The following TRAF3 variants were observed in gnomAD, a reference collection of about 807,000 sequenced individuals.
TRAF3 encodes the protein TNF receptor associated factor 3.
Under a neutral mutation model 62.3 loss-of-function variants are expected in TRAF3, and 13 were observed. That is an observed-to-expected ratio of 0.21 (90% CI 0.14 to 0.33). TRAF3 has a LOEUF of 0.33. TRAF3 is among the 10% of genes least tolerant of loss of function. The pLI is 1.00. For synonymous variants in TRAF3, 269 were observed against 283.4 expected, an observed-to-expected ratio of 0.95 and a Z score of 0.51; for missense variants, 440 against 741.8, an observed-to-expected ratio of 0.59 and a Z score of 4.73.
chr14:102,801,318 G>A (rs934488755), intron 1 of TRAF3, among the ~76,000 whole-genome samples: 9 of 152,004 alleles, frequency 5.9e-5, no homozygotes, highest in African/African-American at 2.2e-4. Context: ...CTTCCCTGGA[G>A]TGTTATATAA....
At chr14:102,898,439 T>G in intron 10 of TRAF3, among the ~76,000 whole-genome samples, 1 of 152,262 alleles carries the variant, frequency 6.6e-6, no homozygotes, top group East Asian at 1.9e-4. Context: ...CCCAGTGATG[T>G]GTCAGTCATC....
intron 1 of TRAF3, among the ~76,000 whole-genome samples, chr14:102,781,495 G>A (rs1897270770): frequency 6.6e-6 from 1 of 152,146 alleles, no homozygotes; most frequent in Non-Finnish European, 1.5e-5. Context: ...GGGAAGGGGT[G>A]TAAATGTTAA....
intron 1 of TRAF3, among the ~76,000 whole-genome samples, chr14:102,803,036 AACTC>A (rs1898539047): frequency 2.0e-5 from 3 of 152,122 alleles, no homozygotes; most frequent in African/African-American, 7.2e-5. Flanking sequence ...ATCTCGTGAG[AACTC>A]ACTGTCACAA....
intron 2 of TRAF3, among the ~76,000 whole-genome samples, chr14:102,867,686 C>T (rs1003308097): frequency 2.0e-5 from 3 of 152,180 alleles, no homozygotes; most frequent in African/African-American, 7.2e-5. Context: ...CTGGTCAACC[C>T]TTTTACCTGG....
At chr14:102,904,336 G>A (rs1890466584) in intron 11 of TRAF3, among the ~76,000 whole-genome samples, 1 of 152,192 alleles carries the variant, frequency 6.6e-6, no homozygotes, top group South Asian at 2.1e-4. Context: ...ACACAGTTTT[G>A]CTGGTGTTAC....
chr14:102,879,412 C>T (rs1250097865), intron 6 of TRAF3, among the ~76,000 whole-genome samples: 2 of 152,032 alleles, frequency 1.3e-5, no homozygotes, highest in Non-Finnish European at 2.9e-5. Flanking sequence ...TGCATGCTAC[C>T]ATGCCTGGCT....
chr14:102,872,369 C>T (rs1276177836), intron 4 of TRAF3, among the ~76,000 whole-genome samples: 1 of 152,244 alleles, frequency 6.6e-6, no homozygotes, highest in African/African-American at 2.4e-5. Flanking sequence ...AACTCTTACA[C>T]TAGGTTTTAC....
intron 1 of TRAF3, among the ~76,000 whole-genome samples, chr14:102,802,898 C>A (rs1207266460): frequency 2.0e-5 from 3 of 152,158 alleles, no homozygotes; most frequent in African/African-American, 7.2e-5. Flanking sequence ...ACTCACAGTT[C>A]AGCATGGCTG....
Position 102,864,812 on chromosome 14 carries a change from T to C in TRAF3, c.-17-5373T>C, listed in dbSNP as rs532946091. 1.8e-3 allele frequency among the ~76,000 whole-genome samples: 280 copies of C among 152,266 alleles called. 3 individuals carry two copies. The highest frequency in any genetic ancestry group is 6.1e-3 in the African/African-American group (253 of 41,552). ...TGCCCTCTCTCTGTTACGTCAGTGG[T>C]GGGGAACCTGGGGCAGATTCGCCTC... On this transcript the variant is annotated intron_variant, in intron 2 of 11. Coordinates refer to ENST00000392745, the MANE Select transcript of TRAF3 (RefSeq NM_145725.3).
At chr14:102,798,594 C>T (rs1167832036) in intron 1 of TRAF3, among the ~76,000 whole-genome samples, 2 of 152,130 alleles carry the variant, frequency 1.3e-5, no homozygotes, top group Admixed American at 6.5e-5. Context: ...GAGCTGAGAT[C>T]GCACCACTGC....
intron 1 of TRAF3, among the ~76,000 whole-genome samples, chr14:102,797,927 G>C (rs1258686582): frequency 2.0e-5 from 3 of 152,110 alleles, no homozygotes; most frequent in East Asian, 1.9e-4. Flanking sequence ...AGTAGAGACA[G>C]GGTTTCACCA....
chr14:102,866,893 A>AC (rs1491204476), intron 2 of TRAF3, among the ~76,000 whole-genome samples: 3 of 115,638 alleles, frequency 2.6e-5, no homozygotes, highest in East Asian at 4.2e-4. Context: ...ACACACACAC[A>AC]AAACAATGAC....
chr14:102,891,694 G>C (rs1889723608), intron 9 of TRAF3, among the ~76,000 whole-genome samples: 1 of 151,960 alleles, frequency 6.6e-6, no homozygotes, highest in African/African-American at 2.4e-5. Context: ...CAGATGCCCA[G>C]TCCCCACCCT....
At chr14:102,816,590 G>A (rs899474207) in intron 1 of TRAF3, among the ~76,000 whole-genome samples, 3 of 152,288 alleles carry the variant, frequency 2.0e-5, no homozygotes, top group South Asian at 4.1e-4. Flanking sequence ...TAGCTGCTAG[G>A]AGATTTAAAA....
At chr14:102,873,426 G>A (rs1437461184) in intron 4 of TRAF3, among the ~76,000 whole-genome samples, 1 of 152,252 alleles carries the variant, frequency 6.6e-6, no homozygotes, top group African/African-American at 2.4e-5. Flanking sequence ...GTGTGAGTGA[G>A]AGAGAAGCTC....
chr14:102,875,750 GA>G (rs1382798650), intron 5 of TRAF3, 22 bp downstream of exon 5: 2 of 1,598,590 alleles, frequency 1.3e-6, no homozygotes, highest in Non-Finnish European at 1.7e-6. Flanking sequence ...AGGGACACTG[GA>G]ACCTTTTACA....
chr14:102,833,173 G>A (rs1885756435), intron 2 of TRAF3, among the ~76,000 whole-genome samples: 1 of 152,186 alleles, frequency 6.6e-6, no homozygotes, highest in Admixed American at 6.5e-5. Flanking sequence ...CTGTGAAGGG[G>A]AGGCTTCTGT....
chr14:102,783,149 G>A (rs892489141), intron 1 of TRAF3, among the ~76,000 whole-genome samples: 7 of 152,178 alleles, frequency 4.6e-5, no homozygotes, highest in African/African-American at 1.7e-4. Context: ...TGCAAGCCGG[G>A]GAGACAGGAG....
intron 6 of TRAF3, among the ~76,000 whole-genome samples, chr14:102,880,215 A>C (rs1888969706): frequency 6.6e-6 from 1 of 152,230 alleles, no homozygotes; most frequent in Non-Finnish European, 1.5e-5. Context: ...ATAATGGCTC[A>C]TGCCTATAAT....
Sources: allele counts gnomAD v4.1 joint callset (sites outside exome capture counted in the v4.1 genomes callset), GRCh38; gene constraint gnomAD v4.1.1; transcripts MANE v1.5; gene names NCBI Gene and HGNC (gene_info 2026-07-23, HGNC 2026-07-21).